Variants in SERINC2 observed in about 807,000 individuals in gnomAD.
SERINC2 encodes serine incorporator 2.
In SERINC2, 56 loss-of-function variants were observed where a neutral mutation model predicts 54.2. The observed-to-expected ratio is 1.03, with a 90% CI of 0.83 to 1.29. SERINC2 has a LOEUF of 1.29. SERINC2 is among the 50% of genes most tolerant of loss of function. The pLI, the probability that SERINC2 is intolerant of heterozygous loss-of-function variation, is 0.00. For synonymous variants in SERINC2, 272 were observed against 253.1 expected (o/e 1.07, Z -0.71); for missense variants, 614 against 607.4 (o/e 1.01, Z -0.12).
intron 8 of SERINC2, among the ~76,000 whole-genome samples, chr1:31,430,828 C>T (rs782352351): frequency 5.9e-5 from 9 of 152,206 alleles, no homozygotes; most frequent in Non-Finnish European, 1.0e-4. Context: ...CCAAGCACCA[C>T]TTTCCATCTG....
chr1:31,410,676 C>T (rs1439827569), upstream of SERINC2, among the ~76,000 whole-genome samples: 2 of 152,230 alleles, frequency 1.3e-5, no homozygotes, highest in Non-Finnish European at 2.9e-5. Context: ...AACAGAATAA[C>T]CCTACCTATT....
intron 4 of SERINC2, 50 bp downstream of exon 4, chr1:31,425,459 G>A: frequency 7.3e-7 from 1 of 1,370,074 alleles, no homozygotes; most frequent in Non-Finnish European, 1.0e-6. Context: ...GGGAAGTGGG[G>A]CGGCAGGTTG....
At chr1:31,414,034 G>A in intron 1 of SERINC2, 1 of 1,519,720 alleles carries the variant, frequency 6.6e-7, no homozygotes. Flanking sequence ...AGGGAGCCCC[G>A]GACTTTCTTA....
At chr1:31,413,164 C>T (rs1376588242), upstream of SERINC2, 3 of 856,930 alleles carry the variant, frequency 3.5e-6, no homozygotes, top group Admixed American at 1.4e-4. This position sits in a 1 kb window ranked among gnomAD's most constrained non-coding sequence, Gnocchi z 5.0. Flanking sequence ...GGGGCGGGGC[C>T]GGGGCGGGGC....
intron 1 of SERINC2, among the ~76,000 whole-genome samples, chr1:31,417,366 C>T (rs189863208): frequency 7.8e-4 from 119 of 152,310 alleles, no homozygotes; most frequent in South Asian, 8.3e-4. Flanking sequence ...CATACAGGGA[C>T]ATTGACCACC....
intron 8 of SERINC2, among the ~76,000 whole-genome samples, chr1:31,432,003 TAGGGTGGATAGGGTGGAC>T (rs1641256912): frequency 4.3e-5 from 1 of 23,228 alleles, no homozygotes; most frequent in African/African-American, 9.6e-5. Context: ...ATAGGGTGGA[TAGGGTGGATAGGGTGGAC>T]AGGGTGGACA....
chr1:31,431,850 TAGGGTGGATAGGGTGGATAGGGTGGAC>T (rs1641234292), intron 8 of SERINC2, among the ~76,000 whole-genome samples: 17 of 30,192 alleles, frequency 5.6e-4, no homozygotes, highest in Admixed American at 1.2e-3. Context: ...ATAGGGTGGA[TAGGGTGGATAGGGTGGATAGGGTGGAC>T]AGGGTGGACA....
rs1553135142 is a variant in SERINC2 at position 31,433,242 on chromosome 1, A to G, written c.1232+57A>G. ...GGAGGTGCAGGGTGCAGGTCCACACATCTCTCCTGCGGCCCTTCACTGGGT... is the reference window on the plus strand; with the variant it reads ...GGAGGTGCAGGGTGCAGGTCCACACGTCTCTCCTGCGGCCCTTCACTGGGT... On this transcript the variant is annotated intron_variant, in intron 9 of 9. Transcript: ENST00000373709. 5.6e-6 allele frequency: 8 copies of G among 1,440,842 alleles called. No individual in the cohort carries two copies. The South Asian group carries it at 8.1e-5, about 15-fold the overall frequency. The allele number at this position is 1,440,842 out of a possible 1,614,324, so 89.3% of individuals were successfully genotyped here.
intron 1 of SERINC2, among the ~76,000 whole-genome samples, chr1:31,417,852 C>CTTTTTTT (rs3050463): frequency 0.02 from 1,936 of 95,608 alleles, 176 homozygotes; most frequent in East Asian, 0.13. Context: ...AAATTTCATT[C>CTTTTTTT]TTTTTTTTTT....
chr1:31,430,478 C>G (rs1344339400), intron 8 of SERINC2, among the ~76,000 whole-genome samples: 1 of 150,898 alleles, frequency 6.6e-6, no homozygotes, highest in Non-Finnish European at 1.5e-5. Flanking sequence ...TCAAGGCCAG[C>G]CTGGGCAACA....
At chr1:31,418,865 G>T (rs1640841552) in intron 1 of SERINC2, among the ~76,000 whole-genome samples, 1 of 152,170 alleles carries the variant, frequency 6.6e-6, no homozygotes, top group East Asian at 1.9e-4. Flanking sequence ...TGTCTGCCTT[G>T]CCTTGGGAGG....
At chr1:31,432,195 A>ATAGGGTGGAGAGGGTGGAGAGG (rs1246443913) in intron 8 of SERINC2, among the ~76,000 whole-genome samples, 1 of 25,152 alleles carries the variant, frequency 4.0e-5, no homozygotes, top group Non-Finnish European at 1.1e-4. Flanking sequence ...GGGTGGTTAG[A>ATAGGGTGGAGAGGGTGGAGAGG]GTGGAGAGAG....
At chr1:31,431,785 G>C (rs1163640975) in intron 8 of SERINC2, among the ~76,000 whole-genome samples, 1 of 140,400 alleles carries the variant, frequency 7.1e-6, no homozygotes, top group African/African-American at 2.8e-5. Flanking sequence ...GAATAGGGTG[G>C]ATAGGGTGGA....
At chr1:31,421,374 TTTTC>T (rs782171783) in intron 1 of SERINC2, among the ~76,000 whole-genome samples, 2 of 152,112 alleles carry the variant, frequency 1.3e-5, no homozygotes, top group Non-Finnish European at 2.9e-5. Flanking sequence ...TTTTTCAGGC[TTTTC>T]TTATCCTCTC....
intron 8 of SERINC2, among the ~76,000 whole-genome samples, chr1:31,432,156 C>CAGGGTGGACAGGGTGGAG (rs1641302019): frequency 2.2e-4 from 1 of 4,558 alleles, no homozygotes; most frequent in Non-Finnish European, 4.4e-4. Context: ...ACAGGGTGGA[C>CAGGGTGGACAGGGTGGAG]AGGGTGGATA....
Position 31,432,972 on chromosome 1 carries a change from G to C in SERINC2, c.1019G>C (p.Arg340Pro). 6.2e-7 allele frequency: 1 copy of C among 1,609,364 alleles called. No homozygotes were observed. Among genetic ancestry groups the C allele is most frequent in the Admixed American group, 1.7e-5 (1 of 59,558 alleles). ...FLLCTLFISL[R>P]SSDHRQVNSL... The stretch of plus-strand genomic sequence containing the variant: ...CCTTCCTCCCTCCCCTGCAGTCTGC[G>C]CTCCTCAGACCACCGGCAGGTGAAC... Residue 340 changes from arginine to proline, a missense_variant, in exon 9 of 10, where the codon CGC (arginine) becomes CCC (proline). Physicochemically the swap from Arg to Pro is moderately radical, Grantham distance 103 (BLOSUM62 -2). Coordinates refer to ENST00000373709, the MANE Select transcript of SERINC2 (RefSeq NM_178865.5).
intron 8 of SERINC2, among the ~76,000 whole-genome samples, chr1:31,431,149 G>C (rs1641186040): frequency 7.0e-6 from 1 of 142,392 alleles, no homozygotes; most frequent in Non-Finnish European, 1.5e-5. Flanking sequence ...TTTTGAGACA[G>C]GGTCTTCCTC....
At chr1:31,432,187 G>GTGGATAGGGTGGTTAGGGTGGATAGGA (rs1557501725) in intron 8 of SERINC2, among the ~76,000 whole-genome samples, 1 of 136,056 alleles carries the variant, frequency 7.3e-6, no homozygotes, top group African/African-American at 2.8e-5. Flanking sequence ...GGTGGATAGG[G>GTGGATAGGGTGGTTAGGGTGGATAGGA]TGGTTAGAGT....
chr1:31,433,431 G>A (rs1172352256), intron 9 of SERINC2, among the ~76,000 whole-genome samples: 1 of 152,166 alleles, frequency 6.6e-6, no homozygotes, highest in Non-Finnish European at 1.5e-5. Context: ...AGCTGGGGCT[G>A]GACCTGTACA....
Sources: allele counts gnomAD v4.1 joint callset (sites outside exome capture counted in the v4.1 genomes callset), GRCh38; gene constraint gnomAD v4.1.1; non-coding constraint Gnocchi (gnomAD v3.1); transcripts MANE v1.5; gene names NCBI Gene and HGNC (gene_info 2026-07-23, HGNC 2026-07-21).